Variants in FBXW4 observed in about 807,000 individuals in gnomAD.
The protein encoded by FBXW4 is F-box and WD repeat domain containing 4.
FBXW4 carries 40 observed loss-of-function variants against 61.8 expected under a neutral mutation model. That is an observed-to-expected ratio of 0.65 (90% CI 0.50 to 0.84). FBXW4 has a LOEUF of 0.84. Among genes scored for constraint, FBXW4 ranks in the 40% least tolerant of loss-of-function variants. The pLI, the probability that FBXW4 is intolerant of heterozygous loss-of-function variation, is 0.00. For synonymous variants in FBXW4, 311 were observed against 313.8 expected, an observed-to-expected ratio of 0.99 and a Z score of 0.10; for missense variants, 672 against 753.8, an observed-to-expected ratio of 0.89 and a Z score of 1.27.
chr10:101,674,275 G>A (rs2064386753), intron 2 of FBXW4, among the ~76,000 whole-genome samples: 1 of 151,212 alleles, frequency 6.6e-6, no homozygotes, highest in African/African-American at 2.4e-5. Flanking sequence ...GTTGCAGTGA[G>A]CCGAGATCGC....
At chr10:101,635,987 T>A (rs1390564709) in intron 5 of FBXW4, among the ~76,000 whole-genome samples, 2 of 152,058 alleles carry the variant, frequency 1.3e-5, no homozygotes. Context: ...AGTGAAAACT[T>A]GAACAAGTAA....
chr10:101,685,240 A>C (rs1564927276), intron 1 of FBXW4, among the ~76,000 whole-genome samples: 1 of 152,168 alleles, frequency 6.6e-6, no homozygotes, highest in Non-Finnish European at 1.5e-5. Flanking sequence ...GGAACCTACC[A>C]TACACCTAGG....
rs1564930920 is a variant in FBXW4, at chr10:101,694,942, C to T, written c.164G>A (p.Gly55Glu). The T allele has an allele frequency of 5.7e-6, 7 of 1,231,616 alleles. No individual in the cohort carries two copies. Among genetic ancestry groups the T allele is most frequent in the Non-Finnish European group, 7.1e-6 (7 of 987,294 alleles). 76.3% of individuals were successfully genotyped at this position (1,231,616 alleles called of 1,614,324 possible). A position where few individuals can be genotyped will look rare whatever the true frequency, so the allele number is the denominator to read the frequency against. ...CTGCGGCCCGGGCTTCCCTTCCGCCCCGCTTCCTCTTCCGCCTTGCCCCGC... is the reference window on the plus strand; with the variant it reads ...CTGCGGCCCGGGCTTCCCTTCCGCCTCGCTTCCTCTTCCGCCTTGCCCCGC... ...ARAGQGGRGS[G>E]AEGKPGPQTA... is the part of the protein sequence containing the mutation. Residue 55 changes from glycine to glutamate, a missense_variant, in exon 1 of 9, where the codon GGG becomes GAG. By Grantham distance (98) the Gly-to-Glu change is moderately conservative. This residue lies in a region of FBXW4 where 5 missense variants were observed against 19.0 expected (regional missense o/e 0.26). Coordinates refer to ENST00000331272, the MANE Select transcript of FBXW4 (RefSeq NM_022039.4). The surrounding 1 kb of genome is among the most constrained non-coding windows in gnomAD (Gnocchi z 6.0).
chr10:101,611,479 T>C lies in FBXW4; in HGVS notation c.1585-69A>G. ...GACATGGGTGTGCCCTAACCCAGGATCCCCAGGCCCAGGGGAAGAGGGACG... is the reference window on the plus strand; with the variant it reads ...GACATGGGTGTGCCCTAACCCAGGACCCCCAGGCCCAGGGGAAGAGGGACG... On this transcript the variant is annotated intron_variant, in intron 8 of 8. Coordinates refer to ENST00000331272, the MANE Select transcript of FBXW4 (RefSeq NM_022039.4). This position sits in a 1 kb window ranked among gnomAD's most constrained non-coding sequence, Gnocchi z 4.9. 1 of 1,576,442 alleles carries C rather than the reference T, an allele frequency of 6.3e-7. No individual in the cohort carries two copies.
chr10:101,666,276 G>A (rs1214627961), intron 5 of FBXW4, among the ~76,000 whole-genome samples: 3 of 152,098 alleles, frequency 2.0e-5, no homozygotes, highest in Non-Finnish European at 2.9e-5. Context: ...CTGCTCTGTG[G>A]AATTTTAATT....
intron 5 of FBXW4, chr10:101,628,075 C>T: frequency 5.1e-6 from 3 of 583,058 alleles, no homozygotes; most frequent in Non-Finnish European, 6.5e-6. Flanking sequence ...GTCAAAGGCT[C>T]TCAATAAATA....
chr10:101,660,756 T>C (rs1197539705), intron 5 of FBXW4, among the ~76,000 whole-genome samples: 1 of 152,060 alleles, frequency 6.6e-6, no homozygotes, highest in East Asian at 1.9e-4. Context: ...GTGGTGCAGG[T>C]AGGGACTGGA....
At chr10:101,667,202 G>A (rs1374289679) in intron 5 of FBXW4, among the ~76,000 whole-genome samples, 1 of 149,478 alleles carries the variant, frequency 6.7e-6, no homozygotes, top group Non-Finnish European at 1.5e-5. Flanking sequence ...CTGCACTCCA[G>A]GCTGGGTGAC....
In FBXW4 at chr10:101,672,998, A is replaced by G; in HGVS notation, c.1057T>C (p.Tyr353His). 6.2e-7 allele frequency: 1 copy of G among 1,614,070 alleles called. No individual in the cohort carries two copies. The highest frequency in any genetic ancestry group is 8.5e-7 in the Non-Finnish European group (1 of 1,180,008). Residue 353 changes from tyrosine to histidine, a missense_variant, in exon 4 of 9, where the codon TAC (tyrosine) becomes CAC (histidine). Physicochemically the swap from Tyr to His is moderately conservative, Grantham distance 83. Transcript: ENST00000331272. ...TTCACCTCCTGTTCATGAGCCGAGT[A>G]CTTGACAGTGAAGGTGCTGTGAATC... ...HKIHSTFTVKYSAHEQEVNCV... is the reference protein window; with the variant it reads ...HKIHSTFTVKHSAHEQEVNCV...
chr10:101,640,484 C>CTTTTTTTTTTTTTTTTTT (rs386372272), intron 5 of FBXW4, among the ~76,000 whole-genome samples: 1 of 83,874 alleles, frequency 1.2e-5, no homozygotes, highest in African/African-American at 5.2e-5. Flanking sequence ...CTTTCTTTCT[C>CTTTTTTTTTTTTTTTTTT]TTTTTTTTTT....
intron 5 of FBXW4, 170 bp from the exon 6 acceptor site, chr10:101,624,980 C>G: frequency 1.4e-6 from 1 of 716,616 alleles, no homozygotes; most frequent in South Asian, 1.7e-5. Context: ...CATCTTGGAG[C>G]ACTGTGAGGG....
chr10:101,666,942 A>G (rs2064307858), intron 5 of FBXW4, among the ~76,000 whole-genome samples: 1 of 151,414 alleles, frequency 6.6e-6, no homozygotes, highest in Non-Finnish European at 1.5e-5. Flanking sequence ...AAACCACCCC[A>G]TTTCTAGGGC....
Position 101,611,825 on chromosome 10 carries a change from C to T in FBXW4, c.1443-56G>A. The T allele has an allele frequency of 6.4e-7, 1 of 1,574,326 alleles. No individual in the cohort carries two copies. Among genetic ancestry groups the T allele is most frequent in the Non-Finnish European group, 8.6e-7 (1 of 1,157,572 alleles). On this transcript the variant is annotated intron_variant, in intron 7 of 8. Coordinates refer to ENST00000331272, the MANE Select transcript of FBXW4 (RefSeq NM_022039.4). This position sits in a 1 kb window ranked among gnomAD's most constrained non-coding sequence, Gnocchi z 4.9. ...TTTAGGGTACCCTCCACCTCTACCC[C>T]AGCTTTCTTGGGCCTAGAGTGGCTG...
intron 5 of FBXW4, chr10:101,626,544 C>G (rs542656058): frequency 6.6e-6 from 1 of 152,548 alleles, no homozygotes; most frequent in Non-Finnish European, 1.5e-5. Flanking sequence ...GGCTGGAGTG[C>G]AGTGGTGCAA....
intron 5 of FBXW4, among the ~76,000 whole-genome samples, chr10:101,657,167 T>A (rs1330095369): frequency 6.6e-6 from 1 of 152,044 alleles, no homozygotes; most frequent in Admixed American, 6.5e-5. Context: ...TACCCATTAC[T>A]CCCTGTGGAA....
intron 1 of FBXW4, among the ~76,000 whole-genome samples, chr10:101,681,376 G>A (rs962278964): frequency 1.5e-5 from 2 of 136,290 alleles, no homozygotes; most frequent in African/African-American, 2.8e-5. Context: ...CGACAAGAGC[G>A]AAACTCCGTC....
At chr10:101,689,001 G>C (rs2064560924) in intron 1 of FBXW4, among the ~76,000 whole-genome samples, 1 of 152,146 alleles carries the variant, frequency 6.6e-6, no homozygotes, top group East Asian at 1.9e-4. Context: ...TCACACACAC[G>C]TAATTCTTTT....
At chr10:101,672,067 T>C (rs1371154650) in intron 4 of FBXW4, among the ~76,000 whole-genome samples, 1 of 152,246 alleles carries the variant, frequency 6.6e-6, no homozygotes, top group Non-Finnish European at 1.5e-5. Context: ...CCTCTCCCTA[T>C]GTGTTTTAGA....
At chr10:101,691,918 G>A (rs1279693318) in intron 1 of FBXW4, among the ~76,000 whole-genome samples, 1 of 152,158 alleles carries the variant, frequency 6.6e-6, no homozygotes, top group East Asian at 1.9e-4. Flanking sequence ...CAAGAGTAGA[G>A]TAATCTTCTA....
Sources: gnomAD v4.1 joint callset for allele counts (sites outside exome capture counted in the v4.1 genomes callset) on GRCh38, gnomAD v4.1.1 for gene constraint, gnomAD v4.1.1 regional missense constraint, Gnocchi (gnomAD v3.1) non-coding constraint, MANE v1.5 for transcripts, NCBI Gene and HGNC (gene_info 2026-07-23, HGNC 2026-07-21) for gene names.